Variants in AKAP8L observed in about 807,000 individuals in gnomAD.
AKAP8L encodes A-kinase anchoring protein 8 like.
A neutral mutation model predicts 77.5 loss-of-function variants in AKAP8L; 34 were observed. The observed-to-expected ratio is 0.44, with a 90% CI of 0.33 to 0.58. AKAP8L has a LOEUF of 0.58. Ranked by LOEUF, AKAP8L falls within the 20% of genes least tolerant of loss-of-function variation. The probability of loss-of-function intolerance (pLI) is 0.02; values close to 1 mark genes in which losing one functional copy is unlikely to be tolerated. For synonymous variants in AKAP8L, 342 were observed against 340.7 expected (o/e 1.00, Z -0.04); for missense variants, 806 against 887.6 (o/e 0.91, Z 1.17).
At position 15,380,318 on chromosome 19, in the gene AKAP8L, G is replaced by C. The variant is rs1967375265; in HGVS notation, c.1745C>G (p.Ala582Gly). ...GGGAGGCTGCGCCGGCACGCCCTCT[G>C]CGCCCTCCGAGATCCCTGCCGCTTC... ...QGEAAGISEG[A>G]EGVPAQPPVP... Residue 582 changes from alanine to glycine, a missense_variant, in exon 14 of 14, where the codon GCA becomes GGA. Transcript: ENST00000397410. 1 of 1,536,646 alleles carries C rather than the reference G, an allele frequency of 6.5e-7. No homozygotes were observed. The highest frequency in any genetic ancestry group is 8.7e-7 in the Non-Finnish European group (1 of 1,146,852).
chr19:15,384,260 T>C (rs1477867380), intron 12 of AKAP8L, among the ~76,000 whole-genome samples: 1 of 150,890 alleles, frequency 6.6e-6, no homozygotes, highest in Non-Finnish European at 1.5e-5. Context: ...TTGGAGTATT[T>C]GCAGTTCTTA....
intron 1 of AKAP8L, among the ~76,000 whole-genome samples, chr19:15,416,701 G>C (rs151335171): frequency 7.9e-5 from 12 of 152,320 alleles, no homozygotes; most frequent in African/African-American, 2.9e-4. Flanking sequence ...TAGCATTTCA[G>C]ACCTTTGTTT....
intron 1 of AKAP8L, among the ~76,000 whole-genome samples, chr19:15,415,411 G>C (rs896125780): frequency 2.6e-5 from 4 of 152,032 alleles, no homozygotes; most frequent in Admixed American, 2.6e-4. Flanking sequence ...CTCCAACCTG[G>C]GCAACATAGT....
rs1967857843 is a variant in AKAP8L at position 15,399,984 on chromosome 19, A to C, written c.1048+311T>G. The C allele has an allele frequency of 2.0e-6, 1 of 490,656 alleles. No homozygotes were observed. Among genetic ancestry groups the C allele is most frequent in the Admixed American group, 3.5e-5 (1 of 28,530 alleles). The allele number at this position is 490,656 out of a possible 1,614,324, so 30.4% of individuals were successfully genotyped here. On this transcript the variant is annotated intron_variant, in intron 8 of 13. Coordinates refer to ENST00000397410, the MANE Select transcript of AKAP8L (RefSeq NM_014371.4). The surrounding 1 kb of genome is among the most constrained non-coding windows in gnomAD (Gnocchi z 6.1). The stretch of plus-strand genomic sequence containing the variant: ...CACTGAGGACTTGGAACTGCGCGTT[A>C]CTGAGGGACCGAGGGCAGGGGGCGT...
chr19:15,410,649 C>T, intron 1 of AKAP8L, 55 bp from the exon 2 acceptor site: 1 of 1,389,392 alleles, frequency 7.2e-7, no homozygotes, highest in Non-Finnish European at 1.0e-6. Context: ...GGGAAATGAC[C>T]TGAGACTACC....
At chr19:15,394,119 A>G (rs935052780) in intron 12 of AKAP8L, among the ~76,000 whole-genome samples, 1 of 152,192 alleles carries the variant, frequency 6.6e-6, no homozygotes, top group Non-Finnish European at 1.5e-5. Flanking sequence ...AACTTGCACA[A>G]TAATGTTTCT....
In AKAP8L at chr19:15,406,804, C is replaced by T. The variant is rs189260142; in HGVS notation, c.89-2762G>A. On this transcript the variant is annotated intron_variant, in intron 2 of 13. Transcript: ENST00000397410. ...TTTAAAAGAAAAAAGGACATGGTCA[C>T]AGTATGTGATATTTATGGACCAAAA... Among the ~76,000 whole-genome samples the T allele has an allele frequency of 2.0e-3, 308 of 152,268 alleles. 6 individuals carry two copies. Among genetic ancestry groups the T allele is most frequent in the African/African-American group, 7.1e-3 (297 of 41,554 alleles).
In AKAP8L at chr19:15,380,244, G is replaced by T; in HGVS notation, c.1819C>A (p.Pro607Thr). 2.7e-6 allele frequency: 4 copies of T among 1,498,880 alleles called. No individual in the cohort carries two copies. The highest frequency in any genetic ancestry group is 3.5e-6 in the Non-Finnish European group (4 of 1,134,314). The allele number at this position is 1,498,880 out of a possible 1,614,324, so 92.8% of individuals were successfully genotyped here. ...PGAVSPPPPPPPEEEEEGAVP... is the reference protein window; with the variant it reads ...PGAVSPPPPPTPEEEEEGAVP... ...GCGCCCTCCTCCTCCTCCTCTGGGG[G>T]CGGCGGCGGTGGCGGCGACACGGCC... is the stretch of plus-strand genomic sequence containing the variant. Residue 607 changes from proline to threonine, a missense_variant, in exon 14 of 14, where the codon CCC (proline) becomes ACC (threonine). Around this residue, in one of 2 missense-constraint regions of AKAP8L, gnomAD observed 226 missense variants for 193.5 expected, o/e 1.17. Coordinates refer to ENST00000397410, the MANE Select transcript of AKAP8L (RefSeq NM_014371.4).
intron 12 of AKAP8L, among the ~76,000 whole-genome samples, chr19:15,382,916 TATATGTTATGAGGTAG>T (rs1967449363): frequency 6.6e-6 from 1 of 152,146 alleles, no homozygotes; most frequent in Admixed American, 6.5e-5. Context: ...ACTCAATCTG[TATATGTTATGAGGTAG>T]AGGGTCCAAA....
rs1399680210 is a variant in AKAP8L, at chr19:15,399,929, T to C, written c.1048+366A>G. On this transcript the variant is annotated intron_variant, in intron 8 of 13. Coordinates refer to ENST00000397410, the MANE Select transcript of AKAP8L (RefSeq NM_014371.4). This position sits in a 1 kb window ranked among gnomAD's most constrained non-coding sequence, Gnocchi z 6.1. Reference sequence around the variant, plus strand: ...ATACGCACACCAGAGCCGTAAAAACTGCACCGAGGGTCCCAGATCGGACAC... The same window carrying C: ...ATACGCACACCAGAGCCGTAAAAACCGCACCGAGGGTCCCAGATCGGACAC... 8.0e-6 allele frequency: 3 copies of C among 374,862 alleles called. No individual in the cohort carries two copies. Among genetic ancestry groups the C allele is most frequent in the Non-Finnish European group, 9.8e-6 (2 of 203,844 alleles). The allele number at this position is 374,862 out of a possible 1,614,324, so 23.2% of individuals were successfully genotyped here. A position where few individuals can be genotyped will look rare whatever the true frequency, so the allele number is the denominator to read the frequency against.
chr19:15,400,671 C>A, intron 7 of AKAP8L, 123 bp downstream of exon 7: 2 of 1,222,792 alleles, frequency 1.6e-6, no homozygotes, highest in South Asian at 1.3e-5. Flanking sequence ...CACTGCCTCC[C>A]CATGCTGGTC....
Position 15,397,834 on chromosome 19 carries a change from C to T in AKAP8L, c.1179G>A (p.Leu393=), listed in dbSNP as rs568302696. ...MVERIQFVCS[L]CKYRTFYEDE... is the part of the protein sequence containing the mutation. ...CCTCATAGAAGGTCCGGTATTTGCACAGAGAACACACAAACTGGATCCTGC... is the reference window on the plus strand; with the variant it reads ...CCTCATAGAAGGTCCGGTATTTGCATAGAGAACACACAAACTGGATCCTGC... The change falls in exon 10 of 14, where the codon CTG becomes CTA. Residue 393 remains leucine, a synonymous_variant. Coordinates refer to ENST00000397410, the MANE Select transcript of AKAP8L (RefSeq NM_014371.4). The surrounding 1 kb of genome is among the most constrained non-coding windows in gnomAD (Gnocchi z 4.7). 9.1e-5 allele frequency: 147 copies of T among 1,613,892 alleles called. 4 individuals carry two copies. The South Asian group carries it at 1.4e-3, about 16-fold the overall frequency.
intron 12 of AKAP8L, among the ~76,000 whole-genome samples, chr19:15,382,703 G>A (rs928421748): frequency 1.4e-4 from 21 of 152,144 alleles, no homozygotes; most frequent in African/African-American, 4.1e-4. Context: ...ACAGTGTCTC[G>A]TGCCTGTAGT....
At chr19:15,414,840 C>T (rs1466433918) in intron 1 of AKAP8L, among the ~76,000 whole-genome samples, 3 of 152,244 alleles carry the variant, frequency 2.0e-5, no homozygotes, top group African/African-American at 7.2e-5. Context: ...TCACTGTCAT[C>T]CAGGCTGGAG....
At chr19:15,400,016 G>C in intron 8 of AKAP8L, 1 of 539,546 alleles carries the variant, frequency 1.9e-6, no homozygotes, top group Non-Finnish European at 3.3e-6. Flanking sequence ...GCGTGCCTGG[G>C]GTTCCCCACA....
chr19:15,407,641 T>C (rs1300546933), intron 2 of AKAP8L, among the ~76,000 whole-genome samples: 1 of 152,204 alleles, frequency 6.6e-6, no homozygotes, highest in Non-Finnish European at 1.5e-5. Context: ...TTTTTAAAAG[T>C]ACCATTTCCT....
intron 12 of AKAP8L, chr19:15,381,747 C>T (rs1967423542): frequency 6.6e-6 from 1 of 152,202 alleles, no homozygotes; most frequent in Non-Finnish European, 1.5e-5. Flanking sequence ...CAGTGACTCT[C>T]ACTTGCCAAC....
chr19:15,397,267 C>A lies in AKAP8L; in HGVS notation c.1419G>T (p.Glu473Asp), dbSNP rs752548413. The change falls in exon 12 of 14, where the codon GAG becomes GAT. Residue 473 changes from glutamate to aspartate, a missense_variant. Glu to Asp is a conservative substitution (Grantham distance 45). Coordinates refer to ENST00000397410, the MANE Select transcript of AKAP8L (RefSeq NM_014371.4). This position sits in a 1 kb window ranked among gnomAD's most constrained non-coding sequence, Gnocchi z 4.7. Reference protein sequence around the residue: ...DQDLTQEIAMEHFVKKVEAAH... With the variant: ...DQDLTQEIAMDHFVKKVEAAH... ...CTGCCTCCACCTTCTTCACAAAATGCTCCATGGCAATTTCTGTAGTGGGGA... is the reference window on the plus strand; with the variant it reads ...CTGCCTCCACCTTCTTCACAAAATGATCCATGGCAATTTCTGTAGTGGGGA... The A allele has an allele frequency of 3.7e-6, 6 of 1,614,014 alleles. No homozygotes were observed. The highest frequency in any genetic ancestry group is 5.1e-6 in the Non-Finnish European group (6 of 1,179,892).
At chr19:15,410,262 C>T (rs1187218347) in intron 2 of AKAP8L, among the ~76,000 whole-genome samples, 1 of 152,156 alleles carries the variant, frequency 6.6e-6, no homozygotes, top group Non-Finnish European at 1.5e-5. Context: ...CTTTAATTGG[C>T]CACTGTGACT....
Sources: gnomAD v4.1 joint callset for allele counts (sites outside exome capture counted in the v4.1 genomes callset) on GRCh38, gnomAD v4.1.1 for gene constraint, gnomAD v4.1.1 regional missense constraint, Gnocchi (gnomAD v3.1) non-coding constraint, MANE v1.5 for transcripts, NCBI Gene and HGNC (gene_info 2026-07-23, HGNC 2026-07-21) for gene names.